The following WDR72 variants were observed in gnomAD, a reference collection of about 807,000 sequenced individuals.
WDR72 encodes the protein WD repeat domain 72, also known as WD repeat-containing protein 72.
WDR72 carries 120 observed loss-of-function variants against 124.2 expected under a neutral mutation model. The observed-to-expected ratio is 0.97, with a 90% CI of 0.83 to 1.12. The LOEUF (loss-of-function observed/expected upper bound fraction) is 1.12, where lower values mean the gene tolerates loss of function less well. Ranked by LOEUF, WDR72 falls within the 50% of genes most tolerant of loss-of-function variation. The probability of loss-of-function intolerance (pLI) is 0.00; values close to 1 mark genes in which losing one functional copy is unlikely to be tolerated. For synonymous variants in WDR72, 452 were observed against 441.7 expected (o/e 1.02, Z -0.29); for missense variants, 1,387 against 1,278.8 (o/e 1.08, Z -1.29).
At chr15:53,644,967 C>T (rs2014990998) in intron 14 of WDR72, among the ~76,000 whole-genome samples, 1 of 152,256 alleles carries the variant, frequency 6.6e-6, no homozygotes, top group Admixed American at 6.5e-5. Flanking sequence ...TTTGCTTTCT[C>T]TCACCACTGC....
rs544705399 is a variant in WDR72, at chr15:53,693,716, C to G, written c.1765+6034G>C. 4.7e-4 allele frequency among the ~76,000 whole-genome samples: 72 copies of G among 152,290 alleles called. 1 individual carries two copies. The highest frequency in any genetic ancestry group is 1.7e-3 in the African/African-American group (71 of 41,562). On this transcript the variant is annotated intron_variant, in intron 13 of 19. Transcript: ENST00000360509. The stretch of plus-strand genomic sequence containing the variant: ...AAAAGGTGGAAGTTTTGACTTCTTA[C>G]TGGCAAGGCAAAAAAAGAAAATTTA...
At chr15:53,738,116 G>A (rs1010267850) in intron 1 of WDR72, among the ~76,000 whole-genome samples, 6 of 151,982 alleles carry the variant, frequency 3.9e-5, no homozygotes, top group African/African-American at 1.2e-4. Context: ...ATATAAATTC[G>A]ATGTAGTTAA....
At chr15:53,574,553 T>C (rs1894682351) in intron 18 of WDR72, among the ~76,000 whole-genome samples, 1 of 152,156 alleles carries the variant, frequency 6.6e-6, no homozygotes, top group African/African-American at 2.4e-5. Flanking sequence ...AAGAAAGATA[T>C]GATGTAGCTT....
intron 14 of WDR72, among the ~76,000 whole-genome samples, chr15:53,662,561 CT>C (rs1364237017): frequency 6.6e-6 from 1 of 152,102 alleles, no homozygotes; most frequent in Non-Finnish European, 1.5e-5. Flanking sequence ...ACAAAGTAAC[CT>C]TTAACAGTTT....
At chr15:53,619,029 C>T (rs958237746) in intron 14 of WDR72, among the ~76,000 whole-genome samples, 4 of 151,792 alleles carry the variant, frequency 2.6e-5, no homozygotes, top group Non-Finnish European at 4.4e-5. Context: ...CATTGAGTTC[C>T]TAATTTTGAT....
intron 14 of WDR72, among the ~76,000 whole-genome samples, chr15:53,639,774 G>A (rs532207478): frequency 1.6e-4 from 24 of 151,908 alleles, no homozygotes; most frequent in Admixed American, 1.2e-3. Flanking sequence ...TTGTAGTCCT[G>A]AAGAAAGCTC....
intron 13 of WDR72, among the ~76,000 whole-genome samples, chr15:53,668,270 T>A (rs2015847761): frequency 6.6e-6 from 1 of 152,228 alleles, no homozygotes; most frequent in Admixed American, 6.5e-5. Context: ...AAGAACTGAT[T>A]AAGGCATACA....
intron 18 of WDR72, among the ~76,000 whole-genome samples, chr15:53,564,499 T>G (rs1459344115): frequency 6.6e-6 from 1 of 151,842 alleles, no homozygotes; most frequent in Non-Finnish European, 1.5e-5. Context: ...TACAATAACT[T>G]GAATTTAAAA....
chr15:53,662,617 A>G lies in WDR72; in HGVS notation c.1962+2955T>C, dbSNP rs1018001603. Among the ~76,000 whole-genome samples, 3 of 152,200 alleles carry G rather than the reference A, an allele frequency of 2.0e-5. No individual in the cohort carries two copies. The East Asian group carries it at 5.8e-4, about 29-fold the overall frequency. On this transcript the variant is annotated intron_variant, in intron 14 of 19. Transcript: ENST00000360509. ...GTCCCTCATTTTTTCCACACATAAA[A>G]TGAGTATGATTCAAACTTGGTTTCT...
At chr15:53,593,545 G>A (rs1382535639) in intron 18 of WDR72, among the ~76,000 whole-genome samples, 1 of 151,806 alleles carries the variant, frequency 6.6e-6, no homozygotes, top group African/African-American at 2.4e-5. Context: ...GCAGATTGCT[G>A]GAGCTCAGGA....
intron 18 of WDR72, among the ~76,000 whole-genome samples, chr15:53,587,296 A>T (rs570486898): frequency 2.0e-5 from 3 of 152,176 alleles, no homozygotes; most frequent in African/African-American, 7.2e-5. Flanking sequence ...TAAGAAGGCC[A>T]CTACCTTGTA....
intron 18 of WDR72, among the ~76,000 whole-genome samples, chr15:53,560,959 C>G (rs1359731676): frequency 4.6e-5 from 7 of 151,796 alleles, no homozygotes; most frequent in African/African-American, 1.7e-4. Context: ...ACTCTCTCTT[C>G]TTATCTAATT....
chr15:53,661,955 C>A (rs1033151287), intron 14 of WDR72, among the ~76,000 whole-genome samples: 1 of 152,012 alleles, frequency 6.6e-6, no homozygotes, highest in African/African-American at 2.4e-5. Flanking sequence ...TCCACTTTAC[C>A]CTTTTATTCA....
chr15:53,625,017 C>T (rs186647326), intron 14 of WDR72, among the ~76,000 whole-genome samples: 80 of 152,126 alleles, frequency 5.3e-4, no homozygotes, highest in Non-Finnish European at 8.7e-4. Flanking sequence ...TACCTATATG[C>T]AATATATTTC....
chr15:53,616,671 T>C (rs1195622573), intron 14 of WDR72, among the ~76,000 whole-genome samples: 1 of 152,026 alleles, frequency 6.6e-6, no homozygotes, highest in Non-Finnish European at 1.5e-5. Flanking sequence ...CCAAATTTGT[T>C]AAAATTGGAA....
intron 14 of WDR72, among the ~76,000 whole-genome samples, chr15:53,635,724 C>T (rs2014598509): frequency 6.6e-6 from 1 of 152,128 alleles, no homozygotes; most frequent in Non-Finnish European, 1.5e-5. Context: ...GGTTGAAAAA[C>T]TAGCTGTTGG....
chr15:53,604,570 G>C (rs2013192908), intron 17 of WDR72, among the ~76,000 whole-genome samples: 1 of 152,050 alleles, frequency 6.6e-6, no homozygotes, highest in African/African-American at 2.4e-5. Context: ...GAAAATTTTT[G>C]CAAAATATGC....
At chr15:53,754,740 C>T (rs1195709681) in intron 1 of WDR72, among the ~76,000 whole-genome samples, 1 of 152,072 alleles carries the variant, frequency 6.6e-6, no homozygotes, top group African/African-American at 2.4e-5. Context: ...AATAATTCAC[C>T]ACAATCAGAG....
intron 1 of WDR72, among the ~76,000 whole-genome samples, chr15:53,750,747 C>T (rs2018754556): frequency 6.6e-6 from 1 of 152,218 alleles, no homozygotes; most frequent in Non-Finnish European, 1.5e-5. Context: ...TGATTCCAAC[C>T]CTCATAGATG....
Sources: allele counts gnomAD v4.1 joint callset (sites outside exome capture counted in the v4.1 genomes callset), GRCh38; gene constraint gnomAD v4.1.1; transcripts MANE v1.5; gene names NCBI Gene and HGNC (gene_info 2026-07-23, HGNC 2026-07-21).